Variants in TAOK1 observed in about 807,000 individuals in gnomAD.
TAOK1 encodes the protein serine/threonine-protein kinase TAO1.
Under a neutral mutation model 138.3 loss-of-function variants are expected in TAOK1, and 21 were observed. The ratio of observed to expected loss-of-function variants is 0.15; its 90% CI spans 0.11 to 0.22. The LOEUF (loss-of-function observed/expected upper bound fraction) is 0.22. Ranked by LOEUF, TAOK1 falls within the 10% of genes least tolerant of loss-of-function variation. TAOK1 has a pLI of 1.00. For synonymous variants in TAOK1, 361 were observed against 398.4 expected, an observed-to-expected ratio of 0.91 and a Z score of 1.12; for missense variants, 651 against 1,227.7, an observed-to-expected ratio of 0.53 and a Z score of 7.02.
chr17:29,537,573 TCTCAAACTC>T (rs959989076), intron 19 of TAOK1, among the ~76,000 whole-genome samples: 1 of 149,772 alleles, frequency 6.7e-6, no homozygotes, highest in African/African-American at 2.5e-5. Flanking sequence ...CCCAGGCTGG[TCTCAAACTC>T]CTAGGCTCAA....
chr17:29,504,624 C>A (rs549867017), intron 13 of TAOK1, among the ~76,000 whole-genome samples: 1 of 151,626 alleles, frequency 6.6e-6, no homozygotes, highest in Non-Finnish European at 1.5e-5. Flanking sequence ...GAGCTGAGAT[C>A]GCACTATTGC....
At chr17:29,468,839 G>A (rs189185345) in intron 3 of TAOK1, among the ~76,000 whole-genome samples, 136 of 151,948 alleles carry the variant, frequency 9.0e-4, no homozygotes, top group African/African-American at 3.0e-3. Flanking sequence ...GTGAGCCACC[G>A]CACCTAGCCT....
intron 1 of TAOK1, among the ~76,000 whole-genome samples, chr17:29,436,348 A>T (rs1906030744): frequency 6.6e-6 from 1 of 152,184 alleles, no homozygotes; most frequent in Admixed American, 6.5e-5. Context: ...GATCAGCAAT[A>T]TTCCAGCCAA....
intron 18 of TAOK1, chr17:29,530,885 A>G: frequency 2.2e-6 from 1 of 455,182 alleles, no homozygotes; most frequent in Non-Finnish European, 4.0e-6. Context: ...AGATTAGAAT[A>G]GCAGCTTTGG....
chr17:29,528,046 T>TTG (rs534707475), intron 17 of TAOK1, among the ~76,000 whole-genome samples: 80 of 151,738 alleles, frequency 5.3e-4, no homozygotes, highest in South Asian at 1.7e-3. Context: ...TTTGTTTGTT[T>TTG]TGTGTGTGTG....
intron 8 of TAOK1, among the ~76,000 whole-genome samples, chr17:29,487,505 A>G (rs1207356507): frequency 3.9e-5 from 6 of 152,196 alleles, no homozygotes; most frequent in Non-Finnish European, 8.8e-5. Flanking sequence ...ACACCCCAGT[A>G]GCAGTAAGCA....
At chr17:29,398,954 A>T (rs936295238) in intron 1 of TAOK1, among the ~76,000 whole-genome samples, 2 of 152,054 alleles carry the variant, frequency 1.3e-5, no homozygotes, top group African/African-American at 4.8e-5. Flanking sequence ...CTAGCTGCCT[A>T]ATATAAATGT....
chr17:29,496,574 T>C (rs535582045), intron 11 of TAOK1, among the ~76,000 whole-genome samples: 1 of 136,104 alleles, frequency 7.3e-6, no homozygotes, highest in Admixed American at 8.1e-5. Context: ...TCATTCCATC[T>C]ACACCTTTTT....
intron 7 of TAOK1, among the ~76,000 whole-genome samples, chr17:29,481,108 T>TA (rs1308759762): frequency 6.6e-6 from 1 of 151,954 alleles, no homozygotes; most frequent in Non-Finnish European, 1.5e-5. Context: ...TTTTCTTTAA[T>TA]AAATGACATG....
intron 8 of TAOK1, among the ~76,000 whole-genome samples, chr17:29,485,499 A>ATG (rs2031153367): frequency 7.3e-6 from 1 of 136,184 alleles, no homozygotes; most frequent in African/African-American, 2.5e-5. Context: ...TAAGCTGGGC[A>ATG]TGGTAACCCC....
intron 13 of TAOK1, among the ~76,000 whole-genome samples, chr17:29,504,707 T>TG (rs1262806611): frequency 2.0e-5 from 3 of 151,728 alleles, no homozygotes; most frequent in South Asian, 2.1e-4. Flanking sequence ...GAAAATATGA[T>TG]GGGGAAAAAA....
intron 3 of TAOK1, among the ~76,000 whole-genome samples, chr17:29,474,410 T>C (rs1330371412): frequency 6.6e-6 from 1 of 152,216 alleles, no homozygotes; most frequent in African/African-American, 2.4e-5. Flanking sequence ...CCTTTCTCAC[T>C]AAGCTTAATC....
chr17:29,448,238 G>A (rs1276679036), intron 1 of TAOK1, among the ~76,000 whole-genome samples: 1 of 151,572 alleles, frequency 6.6e-6, no homozygotes, highest in Non-Finnish European at 1.5e-5. Context: ...CTGATGTTCG[G>A]TTTGAGGAAA....
chr17:29,436,630 C>T (rs1906038488), intron 1 of TAOK1, among the ~76,000 whole-genome samples: 1 of 152,176 alleles, frequency 6.6e-6, no homozygotes, highest in Admixed American at 6.5e-5. Flanking sequence ...GTCAGAAACA[C>T]AATTGGCAAA....
chr17:29,441,448 G>A (rs2029938241), intron 1 of TAOK1, among the ~76,000 whole-genome samples: 1 of 152,158 alleles, frequency 6.6e-6, no homozygotes, highest in Non-Finnish European at 1.5e-5. Flanking sequence ...GTTGAAATTA[G>A]ATCTAGGTCA....
intron 18 of TAOK1, among the ~76,000 whole-genome samples, chr17:29,533,734 G>C (rs1481468739): frequency 6.8e-6 from 1 of 146,554 alleles, no homozygotes; most frequent in African/African-American, 2.5e-5. Context: ...GCAGGCACTC[G>C]GCAGGCTGAG....
Position 29,467,831 on chromosome 17 carries a change from T to A in TAOK1, c.204+615T>A, listed in dbSNP as rs1362622498. On this transcript the variant is annotated intron_variant, in intron 3 of 19. Coordinates refer to ENST00000261716, the MANE Select transcript of TAOK1 (RefSeq NM_020791.4). ...TATTTATTTATTTATTTATTTATTTTTATTTTTTTTTAGATAGAGTCTCGC... is the reference window on the plus strand; with the variant it reads ...TATTTATTTATTTATTTATTTATTTATATTTTTTTTTAGATAGAGTCTCGC... Among the ~76,000 whole-genome samples the A allele has an allele frequency of 3.3e-5, 5 of 150,914 alleles. No individual in the cohort carries two copies. The South Asian group carries it at 8.3e-4, about 25-fold the overall frequency.
intron 9 of TAOK1, among the ~76,000 whole-genome samples, chr17:29,491,341 ACT>A: frequency 6.6e-6 from 1 of 152,166 alleles, no homozygotes; most frequent in Admixed American, 6.6e-5. Context: ...GTATAAAAAC[ACT>A]CTCTCCAGAG....
chr17:29,534,283 G>A lies in TAOK1; in HGVS notation c.2527G>A (p.Ala843Thr). The A allele has an allele frequency of 6.2e-7, 1 of 1,601,706 alleles. No homozygotes were observed. Among genetic ancestry groups the A allele is most frequent in the Non-Finnish European group, 8.5e-7 (1 of 1,175,218 alleles). ...ELEQRVSLRRALLEQKIEEEM... is the reference protein window; with the variant it reads ...ELEQRVSLRRTLLEQKIEEEM... ...TGAACAGAGGGTCTCCCTCCGGAGGGCACTCTTAGAACAAAAGGTATAAGT... is the reference window on the plus strand; with the variant it reads ...TGAACAGAGGGTCTCCCTCCGGAGGACACTCTTAGAACAAAAGGTATAAGT... Residue 843 changes from alanine (A) to threonine (T), a missense_variant, in exon 19 of 20, where the codon GCA becomes ACA. Ala to Thr is a moderately conservative substitution (Grantham distance 58). Transcript: ENST00000261716.
Sources: allele counts gnomAD v4.1 joint callset (sites outside exome capture counted in the v4.1 genomes callset), GRCh38; gene constraint gnomAD v4.1.1; transcripts MANE v1.5; gene names NCBI Gene and HGNC (gene_info 2026-07-23, HGNC 2026-07-21).